Variants in BBX observed in about 807,000 individuals in gnomAD.
BBX encodes HMG box transcription factor BBX.
In BBX, 30 loss-of-function variants were observed where a neutral mutation model predicts 100.2. The observed-to-expected ratio is 0.30, with a 90% CI of 0.22 to 0.41. The LOEUF (loss-of-function observed/expected upper bound fraction) is 0.41. Among genes scored for constraint, BBX ranks in the 10% least tolerant of loss-of-function variants. The pLI is 1.00. For synonymous variants in BBX, 376 were observed against 388.1 expected (o/e 0.97, Z 0.37); for missense variants, 1,023 against 1,129.8 (o/e 0.91, Z 1.35).
intron 12 of BBX, 132 bp downstream of exon 12, chr3:107,774,989 T>A: frequency 1.9e-6 from 2 of 1,033,724 alleles, no homozygotes; most frequent in Non-Finnish European, 2.7e-6. Flanking sequence ...ACAATCTTAG[T>A]AGGCACCCTA....
At chr3:107,784,477 G>A (rs2107876815) in intron 13 of BBX, among the ~76,000 whole-genome samples, 1 of 151,928 alleles carries the variant, frequency 6.6e-6, no homozygotes, top group East Asian at 1.9e-4. Context: ...ATAGTACAAT[G>A]AAATTTAAAA....
chr3:107,606,723 C>T (rs1054077563), intron 2 of BBX, among the ~76,000 whole-genome samples: 2 of 152,246 alleles, frequency 1.3e-5, no homozygotes, highest in Non-Finnish European at 2.9e-5. Context: ...GATACAGGCA[C>T]ACAATGTATA....
intron 13 of BBX, among the ~76,000 whole-genome samples, chr3:107,786,045 C>G (rs1476741100): frequency 2.6e-5 from 4 of 151,950 alleles, no homozygotes. Flanking sequence ...AATGAACAAT[C>G]TAAAAATGAG....
chr3:107,745,138 T>C (rs1335980917), intron 8 of BBX, among the ~76,000 whole-genome samples: 1 of 152,198 alleles, frequency 6.6e-6, no homozygotes, highest in African/African-American at 2.4e-5. Context: ...TAATTGAAAC[T>C]TTAGCATGAG....
chr3:107,768,568 A>T (rs1165386993), intron 10 of BBX, among the ~76,000 whole-genome samples: 2 of 152,206 alleles, frequency 1.3e-5, no homozygotes, highest in African/African-American at 2.4e-5. Context: ...GATGGAAGAT[A>T]ATTCACATTT....
rs2067195979 is a variant in BBX, at chr3:107,774,836, C to T, written c.2033C>T (p.Pro678Leu). ...SGSKKFKKTK[P>L]KEDCLLGSAK... is the part of the protein sequence containing the mutation. ...AGCAAGAAGTTCAAGAAGACAAAGC[C>T]AAAAGAAGACTGTCTCCTTGGGTAA... Residue 678 changes from proline to leucine, a missense_variant, in exon 12 of 18, where the codon CCA becomes CTA. Around this residue, in one of 9 missense-constraint regions of BBX, gnomAD observed 215 missense variants for 211.3 expected, o/e 1.02. Transcript: ENST00000325805. 1 of 1,613,128 alleles carries T rather than the reference C, an allele frequency of 6.2e-7. No individual in the cohort carries two copies. Among genetic ancestry groups the T allele is most frequent in the African/African-American group, 1.3e-5 (1 of 74,868 alleles).
At chr3:107,803,466 C>T (rs1288990978) in intron 17 of BBX, among the ~76,000 whole-genome samples, 1 of 152,050 alleles carries the variant, frequency 6.6e-6, no homozygotes, top group African/African-American at 2.4e-5. Context: ...TAAAGGGTGG[C>T]CCATGGAGTT....
rs145446030 is a variant in BBX at position 107,695,882 on chromosome 3, G to A, written c.-9-14570G>A. Among the ~76,000 whole-genome samples, 25 of 151,960 alleles carry A rather than the reference G, an allele frequency of 1.6e-4. 1 individual carries two copies. The East Asian group carries it at 4.8e-3, about 29-fold the overall frequency. The stretch of plus-strand genomic sequence containing the variant: ...TTGCTTTATGAAACTGGGTGCTCCT[G>A]TGTTGGGTGCATATATATTTAGGAT... On this transcript the variant is annotated intron_variant, in intron 3 of 17. Coordinates refer to ENST00000325805, the MANE Select transcript of BBX (RefSeq NM_001142568.3).
chr3:107,623,586 A>G (rs2055945206), intron 2 of BBX, among the ~76,000 whole-genome samples: 1 of 152,156 alleles, frequency 6.6e-6, no homozygotes, highest in Non-Finnish European at 1.5e-5. Context: ...AATCATTAAC[A>G]GGAAGAGCAG....
chr3:107,589,795 A>T (rs1289212192), intron 2 of BBX, among the ~76,000 whole-genome samples: 1 of 152,250 alleles, frequency 6.6e-6, no homozygotes, highest in Non-Finnish European at 1.5e-5. Context: ...GGCCTTCTTA[A>T]TCACAGAAAA....
At chr3:107,767,316 A>G (rs1306182809) in intron 10 of BBX, among the ~76,000 whole-genome samples, 1 of 151,936 alleles carries the variant, frequency 6.6e-6, no homozygotes, top group Non-Finnish European at 1.5e-5. Context: ...GCCAGGGTCA[A>G]CAGGGAACTG....
Position 107,769,223 on chromosome 3 carries a change from T to TAGAC in BBX, c.907-3402_907-3401insCAGA, listed in dbSNP as rs1378675961. Among the ~76,000 whole-genome samples the TAGAC allele has an allele frequency of 2.0e-3, 259 of 132,634 alleles. 1 individual carries two copies. Among genetic ancestry groups the TAGAC allele is most frequent in the Middle Eastern group, 7.0e-3 (2 of 284 alleles). The allele number at this position is 132,634 out of a possible 152,430, so 87.0% of individuals were successfully genotyped here. A position where few individuals can be genotyped will look rare whatever the true frequency, so the allele number is the denominator to read the frequency against. Reference sequence around the variant, plus strand: ...ATAGATAGATAGATAGATAGATAGATAGATAGACAGATAGATAGGATAGAT... The same window carrying TAGAC: ...ATAGATAGATAGATAGATAGATAGATAGACAGATAGACAGATAGATAGGATAGAT... On this transcript the variant is annotated intron_variant, in intron 10 of 17. Coordinates refer to ENST00000325805, the MANE Select transcript of BBX (RefSeq NM_001142568.3).
intron 5 of BBX, among the ~76,000 whole-genome samples, chr3:107,727,960 T>A (rs1451830111): frequency 6.6e-6 from 1 of 152,154 alleles, no homozygotes; most frequent in Non-Finnish European, 1.5e-5. Context: ...TAGCAATAAA[T>A]GTATTTTGTT....
chr3:107,706,022 C>CTTT (rs35648451), intron 3 of BBX, among the ~76,000 whole-genome samples: 14 of 128,864 alleles, frequency 1.1e-4, no homozygotes, highest in Admixed American at 2.4e-4. Context: ...GAGCTTGCTA[C>CTTT]TTTTTTTTTT....
At chr3:107,719,763 C>A (rs1002305072) in intron 5 of BBX, among the ~76,000 whole-genome samples, 1 of 151,940 alleles carries the variant, frequency 6.6e-6, no homozygotes, top group African/African-American at 2.4e-5. Context: ...TGTGACTGCC[C>A]GTTAGGAGAT....
chr3:107,601,749 A>G (rs976784376), intron 2 of BBX, among the ~76,000 whole-genome samples: 4 of 152,274 alleles, frequency 2.6e-5, no homozygotes, highest in East Asian at 1.9e-4. Context: ...AGCTACAGCA[A>G]GTTATCCAGA....
At chr3:107,697,174 G>T (rs546928481) in intron 3 of BBX, among the ~76,000 whole-genome samples, 1 of 151,658 alleles carries the variant, frequency 6.6e-6, no homozygotes, top group Non-Finnish European at 1.5e-5. Context: ...TAATTTGATC[G>T]TCTGAAGCCT....
chr3:107,571,803 G>A (rs964997964), intron 2 of BBX, among the ~76,000 whole-genome samples: 7 of 152,210 alleles, frequency 4.6e-5, no homozygotes, highest in South Asian at 2.1e-4. Flanking sequence ...GGCTGAGTCC[G>A]AAAAGAGAGT....
At chr3:107,742,405 C>G (rs2064187193) in intron 7 of BBX, among the ~76,000 whole-genome samples, 1 of 151,812 alleles carries the variant, frequency 6.6e-6, no homozygotes. Flanking sequence ...AGTCAGCTAA[C>G]TACATAGCTT....
Sources: allele counts gnomAD v4.1 joint callset (sites outside exome capture counted in the v4.1 genomes callset), GRCh38; gene constraint gnomAD v4.1.1; regional missense constraint gnomAD v4.1.1; transcripts MANE v1.5; gene names NCBI Gene and HGNC (gene_info 2026-07-23, HGNC 2026-07-21).